The following TMCC3 variants were observed in gnomAD, a reference collection of about 807,000 sequenced individuals.
TMCC3 encodes transmembrane and coiled-coil domain protein 3.
A neutral mutation model predicts 40.2 loss-of-function variants in TMCC3; 28 were observed. That is an observed-to-expected ratio of 0.70 (90% confidence interval 0.52 to 0.95). The LOEUF (loss-of-function observed/expected upper bound fraction) is 0.95. Ranked by LOEUF, TMCC3 falls within the 40% of genes least tolerant of loss-of-function variation. The probability of loss-of-function intolerance (pLI) is 0.00; values close to 1 mark genes in which losing one functional copy is unlikely to be tolerated. For synonymous variants in TMCC3, 255 were observed against 248.5 expected (o/e 1.03, Z -0.25); for missense variants, 554 against 615.2 (o/e 0.90, Z 1.05).
At position 94,647,552 on chromosome 12, in the gene TMCC3, C is replaced by G. The variant is rs77442251; in HGVS notation, c.78+2801G>C. 2.6e-3 allele frequency among the ~76,000 whole-genome samples: 400 copies of G among 152,286 alleles called. 1 individual carries two copies. Among genetic ancestry groups the G allele is most frequent in the African/African-American group, 9.0e-3 (375 of 41,552 alleles). On this transcript the variant is annotated intron_variant, in intron 1 of 3. Coordinates refer to ENST00000261226, the MANE Select transcript of TMCC3 (RefSeq NM_020698.4). ...AAGATTAGTCGACTCTTCCCATGAC[C>G]CCCTAGTTCTCATTGGCATTTTTAG... is the stretch of plus-strand genomic sequence containing the variant.
At chr12:94,649,040 C>A (rs1207491118) in intron 1 of TMCC3, among the ~76,000 whole-genome samples, 2 of 152,186 alleles carry the variant, frequency 1.3e-5, no homozygotes, top group Non-Finnish European at 2.9e-5. Flanking sequence ...ATTTTCACAG[C>A]AAACTGTTAC....
chr12:94,611,592 G>A (rs1179916156), intron 1 of TMCC3, among the ~76,000 whole-genome samples: 1 of 152,112 alleles, frequency 6.6e-6, no homozygotes, highest in Non-Finnish European at 1.5e-5. Context: ...ATTGGTTCTA[G>A]GACCTCCTGC....
intron 1 of TMCC3, chr12:94,591,060 G>C (rs1027889700): frequency 9.5e-6 from 5 of 525,024 alleles, no homozygotes; most frequent in Admixed American, 2.1e-5. Context: ...CAAGGAAACA[G>C]AATATTCCAA....
At chr12:94,581,566 T>TA (rs2068601220) in intron 2 of TMCC3, 56 bp downstream of exon 2, 6 of 1,148,530 alleles carry the variant, frequency 5.2e-6, no homozygotes, top group African/African-American at 3.2e-5. Context: ...TAACATAAAA[T>TA]AAAAAAATAA....
intron 3 of TMCC3, among the ~76,000 whole-genome samples, chr12:94,575,896 C>T (rs139710774): frequency 2.4e-4 from 37 of 152,232 alleles, no homozygotes; most frequent in African/African-American, 8.4e-4. Context: ...ACTCCTCCCT[C>T]GTCGGCCTCT....
At chr12:94,621,201 A>G (rs1278562954) in intron 1 of TMCC3, among the ~76,000 whole-genome samples, 1 of 152,264 alleles carries the variant, frequency 6.6e-6, no homozygotes, top group Non-Finnish European at 1.5e-5. Context: ...CAGTACTCTA[A>G]GATTTTAAAA....
At chr12:94,598,884 A>T in intron 1 of TMCC3, 1 of 638,718 alleles carries the variant, frequency 1.6e-6, no homozygotes, top group Non-Finnish European at 1.9e-6. Flanking sequence ...TTAGAACCTA[A>T]GTCTGTATTT....
At chr12:94,590,863 G>A in intron 1 of TMCC3, 1 of 560,514 alleles carries the variant, frequency 1.8e-6, no homozygotes. Context: ...CAACACTGGA[G>A]AGGAGCCCCT....
intron 1 of TMCC3, among the ~76,000 whole-genome samples, chr12:94,643,284 G>A (rs1192843638): frequency 6.6e-6 from 1 of 152,128 alleles, no homozygotes; most frequent in Admixed American, 6.5e-5. Flanking sequence ...TTCTGCAGGG[G>A]ACACAAGAAG....
At chr12:94,596,075 A>T (rs780546263) in intron 1 of TMCC3, among the ~76,000 whole-genome samples, 2 of 152,196 alleles carry the variant, frequency 1.3e-5, no homozygotes, top group Non-Finnish European at 2.9e-5. Context: ...ATGTTCCCTA[A>T]AGTGTGAAAT....
chr12:94,650,265 G>T, intron 1 of TMCC3, 88 bp downstream of exon 1: 1 of 827,344 alleles, frequency 1.2e-6, no homozygotes, highest in African/African-American at 1.8e-5. Context: ...AACGCCGGGG[G>T]CGCGTGGGTT....
chr12:94,591,023 A>G (rs1271159885), intron 1 of TMCC3: 4 of 551,888 alleles, frequency 7.2e-6, no homozygotes, highest in Non-Finnish European at 1.5e-5. Flanking sequence ...GAAATTGATG[A>G]AGAAACATAC....
chr12:94,576,475 G>A (rs986914481), intron 3 of TMCC3, among the ~76,000 whole-genome samples: 1 of 152,118 alleles, frequency 6.6e-6, no homozygotes, highest in Non-Finnish European at 1.5e-5. Flanking sequence ...GCTGGGCATT[G>A]CTTGAAGAGT....
chr12:94,588,315 C>G lies in TMCC3; in HGVS notation c.79-5777G>C, dbSNP rs151080546. 7.8e-3 allele frequency among the ~76,000 whole-genome samples: 1,189 copies of G among 152,228 alleles called. 6 individuals are homozygous for G. Among genetic ancestry groups the G allele is most frequent in the Non-Finnish European group, 0.011 (776 of 68,004 alleles). On this transcript the variant is annotated intron_variant, in intron 1 of 3. Coordinates refer to ENST00000261226, the MANE Select transcript of TMCC3 (RefSeq NM_020698.4). The stretch of plus-strand genomic sequence containing the variant: ...ACCACCCACCCCCCAGCAAACAGAA[C>G]CAGAATGTAGGGCTCCTGTGGACCC...
Position 94,584,570 on chromosome 12 carries a change from T to C in TMCC3, c.79-2032A>G, listed in dbSNP as rs1318832407. Among the ~76,000 whole-genome samples the C allele has an allele frequency of 4.0e-5, 6 of 151,614 alleles. No homozygotes were observed. The East Asian group carries it at 1.2e-3, about 29-fold the overall frequency. On this transcript the variant is annotated intron_variant, in intron 1 of 3. Transcript: ENST00000261226. ...TAACACTTCACCACGTTATAAATCCTGCCCAGTGCTTTATTCCAGAGGAGG... is the reference window on the plus strand; with the variant it reads ...TAACACTTCACCACGTTATAAATCCCGCCCAGTGCTTTATTCCAGAGGAGG...
At chr12:94,605,708 G>A (rs368676779) in intron 1 of TMCC3, among the ~76,000 whole-genome samples, 342 of 152,176 alleles carry the variant, frequency 2.2e-3, no homozygotes, top group South Asian at 0.022. Flanking sequence ...CTTTCCATCG[G>A]GGGCTAGATA....
chr12:94,608,553 C>A (rs966939893), intron 1 of TMCC3, among the ~76,000 whole-genome samples: 2 of 152,142 alleles, frequency 1.3e-5, no homozygotes, highest in South Asian at 4.2e-4. Context: ...TCTAACTCCT[C>A]TCTCTCCAGG....
chr12:94,599,288 G>T (rs914235385), intron 1 of TMCC3, among the ~76,000 whole-genome samples: 33 of 152,168 alleles, frequency 2.2e-4, no homozygotes, highest in African/African-American at 8.0e-4. Context: ...ACATACCCCA[G>T]ATAGGTGGGT....
At chr12:94,646,717 G>C (rs2069020911) in intron 1 of TMCC3, among the ~76,000 whole-genome samples, 1 of 148,578 alleles carries the variant, frequency 6.7e-6, no homozygotes, top group African/African-American at 2.5e-5. Flanking sequence ...GGGATTACAG[G>C]CGTGAGCCAC....
Sources: allele counts gnomAD v4.1 joint callset (sites outside exome capture counted in the v4.1 genomes callset), GRCh38; gene constraint gnomAD v4.1.1; transcripts MANE v1.5; gene names NCBI Gene and HGNC (gene_info 2026-07-23, HGNC 2026-07-21).